KY: variants seen among roughly 807,000 people sequenced by gnomAD.
KY encodes kyphoscoliosis peptidase.
In KY, 43 loss-of-function variants were observed where a neutral mutation model predicts 76.1. The observed-to-expected ratio is 0.57, with a 90% CI of 0.44 to 0.73. The LOEUF (loss-of-function observed/expected upper bound fraction) is 0.73, where lower values mean the gene tolerates loss of function less well. KY is among the 30% of genes least tolerant of loss of function. The probability of loss-of-function intolerance (pLI) is 0.00; values close to 1 mark genes in which losing one functional copy is unlikely to be tolerated. For missense variants in KY, 722 were observed against 828.9 expected (o/e 0.87, Z 1.58); for synonymous variants, 277 against 326.2 (o/e 0.85, Z 1.63).
intron 4 of KY, 167 bp downstream of exon 4, chr3:134,629,454 A>C: frequency 1.7e-6 from 1 of 580,416 alleles, no homozygotes; most frequent in East Asian, 2.8e-5. Context: ...GTGTAGAGAA[A>C]AGAGTCTCCC....
chr3:134,625,040 C>A lies in KY; in HGVS notation c.483+13G>T. ...TTGAAGGGGCCCATGGTCAGAGCGG[C>A]CAGCTGTCCTACCTGTGAGGCGTAG... On this transcript the variant is annotated intron_variant, in intron 6 of 10. Transcript: ENST00000423778. The A allele has an allele frequency of 6.3e-7, 1 of 1,583,520 alleles. No individual in the cohort carries two copies. The highest frequency in any genetic ancestry group is 1.2e-5 in the South Asian group (1 of 86,440).
intron 6 of KY, among the ~76,000 whole-genome samples, chr3:134,621,829 A>C (rs1577677948): frequency 6.6e-6 from 1 of 152,334 alleles, no homozygotes; most frequent in Non-Finnish European, 1.5e-5. Flanking sequence ...AATAAGGGTT[A>C]AATATCCAGA....
chr3:134,620,874 G>A lies in KY; in HGVS notation c.484-17C>T, dbSNP rs1289734337. The A allele has an allele frequency of 6.4e-7, 1 of 1,556,676 alleles. No homozygotes were observed. Among genetic ancestry groups the A allele is most frequent in the Non-Finnish European group, 8.8e-7 (1 of 1,132,224 alleles). ...GGCTGTCACCTGGGGAGCAGGAAGG[G>A]TGTGCTGTATTAGGGCCTCGAGGAG... is the stretch of plus-strand genomic sequence containing the variant. On this transcript the variant is annotated splice_polypyrimidine_tract_variant and intron_variant, in intron 6 of 10. Coordinates refer to ENST00000423778, the MANE Select transcript of KY (RefSeq NM_178554.6).
chr3:134,617,116 A>G (rs1025667192), intron 8 of KY, among the ~76,000 whole-genome samples: 3 of 152,206 alleles, frequency 2.0e-5, no homozygotes, highest in Non-Finnish European at 4.4e-5. Context: ...TAAGTGGTAG[A>G]CCCAGGTCTT....
intron 1 of KY, among the ~76,000 whole-genome samples, chr3:134,650,568 CA>C (rs1289807766): frequency 3.9e-5 from 6 of 152,198 alleles, no homozygotes; most frequent in Admixed American, 2.6e-4. Context: ...AAAAGACTCC[CA>C]GGGGTGACGG....
Position 134,601,708 on chromosome 3 carries a change from C to T in KY, c.*1871G>A, listed in dbSNP as rs936431563. Among the ~76,000 whole-genome samples, 2 of 152,212 alleles carry T rather than the reference C, an allele frequency of 1.3e-5. No individual in the cohort carries two copies. The highest frequency in any genetic ancestry group is 4.8e-5 in the African/African-American group (2 of 41,460). On this transcript the variant is annotated 3_prime_UTR_variant, in exon 11 of 11. Transcript: ENST00000423778. ...GACCTGCCCAGGACAGTTCAGCCCC[C>T]CAGGGGAGACACCCCTTTTGCTCGA...
chr3:134,649,025 G>A (rs1236283337), intron 1 of KY, among the ~76,000 whole-genome samples: 4 of 152,180 alleles, frequency 2.6e-5, no homozygotes, highest in Non-Finnish European at 5.9e-5. Flanking sequence ...GAAAGGGTCT[G>A]CAGGCTGGCT....
intron 8 of KY, chr3:134,615,101 T>C (rs958161469): frequency 1.3e-5 from 2 of 152,366 alleles, no homozygotes; most frequent in African/African-American, 2.4e-5. Flanking sequence ...ATTTCTCCCA[T>C]GTGCTCTCTT....
intron 1 of KY, among the ~76,000 whole-genome samples, chr3:134,648,678 C>A (rs964525876): frequency 2.6e-5 from 4 of 152,174 alleles, no homozygotes; most frequent in African/African-American, 9.7e-5. Context: ...AGCCTGTCCA[C>A]ACTCTCCTTG....
chr3:134,615,228 C>G (rs1219938899), intron 8 of KY: 1 of 152,546 alleles, frequency 6.6e-6, no homozygotes, highest in Non-Finnish European at 1.5e-5. Context: ...GAGGCCTCCT[C>G]TCTGAAGGTG....
intron 10 of KY, among the ~76,000 whole-genome samples, 165 bp from the exon 11 acceptor site, chr3:134,604,639 A>G (rs543049223): frequency 6.6e-6 from 1 of 152,302 alleles, no homozygotes; most frequent in Admixed American, 6.5e-5. Flanking sequence ...AGCAACCAAT[A>G]TGACTTCACT....
intron 10 of KY, 109 bp downstream of exon 10, chr3:134,608,540 G>A: frequency 1.2e-6 from 2 of 1,603,244 alleles, no homozygotes; most frequent in Non-Finnish European, 1.7e-6. Flanking sequence ...CACAAGCCAT[G>A]CGTCTGGAAG....
chr3:134,625,775 C>T (rs1322971123), intron 5 of KY, among the ~76,000 whole-genome samples: 1 of 152,204 alleles, frequency 6.6e-6, no homozygotes, highest in Non-Finnish European at 1.5e-5. Context: ...GTAACAGGGC[C>T]CTGAGAAAGG....
chr3:134,612,179 C>T (rs1960599056), intron 8 of KY, among the ~76,000 whole-genome samples: 1 of 152,168 alleles, frequency 6.6e-6, no homozygotes, highest in African/African-American at 2.4e-5. Flanking sequence ...GAGGTTCAGG[C>T]CTCCTAAGCC....
chr3:134,610,435 C>T, intron 8 of KY, 52 bp from the exon 9 acceptor site: 1 of 1,501,106 alleles, frequency 6.7e-7, no homozygotes, highest in Non-Finnish European at 9.1e-7. Flanking sequence ...GGCTTGCCTC[C>T]AAGTCTGTCC....
intron 2 of KY, among the ~76,000 whole-genome samples, chr3:134,643,926 G>A (rs1367466403): frequency 6.6e-6 from 1 of 151,016 alleles, no homozygotes; most frequent in African/African-American, 2.4e-5. Flanking sequence ...TCCTGGGTTC[G>A]TGCCATTCTC....
chr3:134,622,877 C>T (rs956209296), intron 6 of KY, among the ~76,000 whole-genome samples: 4 of 152,150 alleles, frequency 2.6e-5, no homozygotes, highest in Non-Finnish European at 4.4e-5. Context: ...TTGTTTTTAG[C>T]TGGAAACATC....
At chr3:134,630,957 A>C (rs1964136183) in intron 3 of KY, among the ~76,000 whole-genome samples, 1 of 152,264 alleles carries the variant, frequency 6.6e-6, no homozygotes, top group South Asian at 2.1e-4. Flanking sequence ...AAATATAGTT[A>C]AAAATTCTCT....
chr3:134,608,044 G>A (rs1959549207), intron 10 of KY: 6 of 1,065,246 alleles, frequency 5.6e-6, no homozygotes, highest in Admixed American at 4.9e-5. Flanking sequence ...CCCTAAGGAA[G>A]TCTGCCCCAA....
Sources: gnomAD v4.1 joint callset for allele counts (sites outside exome capture counted in the v4.1 genomes callset) on GRCh38, gnomAD v4.1.1 for gene constraint, MANE v1.5 for transcripts, NCBI Gene and HGNC (gene_info 2026-07-23, HGNC 2026-07-21) for gene names.